Variants in SLC6A17 observed in about 807,000 individuals in gnomAD.
SLC6A17 encodes the protein sodium-dependent neutral amino acid transporter SLC6A17.
SLC6A17 carries 21 observed loss-of-function variants against 64.5 expected under a neutral mutation model. That is an observed-to-expected ratio of 0.33 (90% confidence interval 0.23 to 0.47). The LOEUF (loss-of-function observed/expected upper bound fraction) is 0.47. Among genes scored for constraint, SLC6A17 ranks in the 20% least tolerant of loss-of-function variants. SLC6A17 has a pLI of 1.00. For synonymous variants in SLC6A17, 372 were observed against 399.5 expected, an observed-to-expected ratio of 0.93 and a Z score of 0.82; for missense variants, 682 against 963.2, an observed-to-expected ratio of 0.71 and a Z score of 3.86.
chr1:110,152,569 A>T (rs1655637938), intron 1 of SLC6A17, among the ~76,000 whole-genome samples: 1 of 151,828 alleles, frequency 6.6e-6, no homozygotes, highest in African/African-American at 2.4e-5. Context: ...TGGAGCTCTG[A>T]CTCCTTGGGA....
chr1:110,168,303 C>T (rs1238706090), intron 2 of SLC6A17: 1 of 152,192 alleles, frequency 6.6e-6, no homozygotes, highest in Non-Finnish European at 1.5e-5. Flanking sequence ...GCCATGTAAC[C>T]TTTTCCAAAG....
rs147238157 is a variant in SLC6A17, at chr1:110,184,601, C to G, written c.865-7371C>G. Among the ~76,000 whole-genome samples the G allele has an allele frequency of 3.7e-3, 571 of 152,272 alleles. 5 individuals carry two copies. The highest frequency in any genetic ancestry group is 0.013 in the African/African-American group (539 of 41,556). ...TAGGGAGGAGGCTATGAGTGGGCAA[C>G]AGCAGAAGGGGCAGTGTGCCAGGAG... On this transcript the variant is annotated intron_variant, in intron 6 of 11. Coordinates refer to ENST00000331565, the MANE Select transcript of SLC6A17 (RefSeq NM_001010898.4).
At chr1:110,194,903 G>C (rs1656921434) in intron 9 of SLC6A17, 132 bp downstream of exon 9, 1 of 1,134,652 alleles carries the variant, frequency 8.8e-7, no homozygotes, top group Non-Finnish European at 1.3e-6. Context: ...GACACAGCTG[G>C]AGCCTGGCTG....
rs906735220 is a variant in SLC6A17, at chr1:110,197,995, G to A, written c.1816-81G>A. ...GAGGAGTGGAAGGCCATGGGTGAGGGCAGGAGAGCAGTCTTGGAGGGCCTG... is the reference window on the plus strand; with the variant it reads ...GAGGAGTGGAAGGCCATGGGTGAGGACAGGAGAGCAGTCTTGGAGGGCCTG... On this transcript the variant is annotated intron_variant, in intron 11 of 11. Coordinates refer to ENST00000331565, the MANE Select transcript of SLC6A17 (RefSeq NM_001010898.4). 7 of 1,532,706 alleles carry A rather than the reference G, an allele frequency of 4.6e-6. No individual in the cohort carries two copies. In the African/African-American group the frequency reaches 9.6e-5, roughly 21 times the overall value. The allele number at this position is 1,532,706 out of a possible 1,614,324, so 94.9% of individuals were successfully genotyped here.
intron 1 of SLC6A17, among the ~76,000 whole-genome samples, chr1:110,153,558 A>G (rs1347305755): frequency 1.6e-5 from 1 of 60,888 alleles, no homozygotes; most frequent in Non-Finnish European, 4.5e-5. Flanking sequence ...TGTGCATTGC[A>G]TTCACCATTC....
chr1:110,191,794 C>T (rs527393874), intron 6 of SLC6A17, among the ~76,000 whole-genome samples, 178 bp from the exon 7 acceptor site: 19 of 152,242 alleles, frequency 1.2e-4, no homozygotes, highest in South Asian at 6.2e-4. Flanking sequence ...TTGTGATCTG[C>T]GTATTGGGGA....
intron 2 of SLC6A17, among the ~76,000 whole-genome samples, 157 bp from the exon 3 acceptor site, chr1:110,171,903 C>T (rs945664835): frequency 2.6e-5 from 4 of 152,056 alleles, no homozygotes; most frequent in East Asian, 3.9e-4. Context: ...GTAGGCCACA[C>T]GTATGGCCAC....
At position 110,198,590 on chromosome 1, in the gene SLC6A17, C is replaced by T; in HGVS notation, c.*146C>T. On this transcript the variant is annotated 3_prime_UTR_variant, in exon 12 of 12. Transcript: ENST00000331565. ...GTCTGCCCTGCCTCACTCCCCTCTT[C>T]AGTCCCAGTAGACTCTGCTCCCTAG... The T allele has an allele frequency of 1.5e-6, 2 of 1,353,918 alleles. No individual in the cohort carries two copies. Among genetic ancestry groups the T allele is most frequent in the Non-Finnish European group, 2.0e-6 (2 of 1,006,860 alleles). 83.9% of individuals were successfully genotyped at this position (1,353,918 alleles called of 1,614,324 possible). A position where few individuals can be genotyped will look rare whatever the true frequency, so the allele number is the denominator to read the frequency against.
intron 2 of SLC6A17, among the ~76,000 whole-genome samples, chr1:110,171,811 G>T (rs1234576052): frequency 6.6e-6 from 1 of 152,110 alleles, no homozygotes; most frequent in Non-Finnish European, 1.5e-5. Context: ...CTTGTGAGTT[G>T]ACATACATAC....
At chr1:110,160,976 G>T (rs950154905) in intron 1 of SLC6A17, among the ~76,000 whole-genome samples, 13 of 152,150 alleles carry the variant, frequency 8.5e-5, no homozygotes, top group African/African-American at 3.1e-4. Context: ...AGAGGGGTGG[G>T]AAGAGGACAG....
chr1:110,168,483 T>G (rs934740025), intron 2 of SLC6A17, among the ~76,000 whole-genome samples: 7 of 152,232 alleles, frequency 4.6e-5, no homozygotes, highest in African/African-American at 1.7e-4. Flanking sequence ...CATAGCATGT[T>G]ATATTAGCTG....
intron 1 of SLC6A17, among the ~76,000 whole-genome samples, chr1:110,155,317 A>AATCC (rs1198394571): frequency 1.3e-5 from 2 of 152,164 alleles, no homozygotes; most frequent in African/African-American, 4.8e-5. Context: ...TTTATGGGCA[A>AATCC]ATCCAGTTTT....
intron 1 of SLC6A17, among the ~76,000 whole-genome samples, chr1:110,153,701 G>A (rs1168928037): frequency 2.0e-5 from 3 of 152,064 alleles, no homozygotes; most frequent in African/African-American, 7.2e-5. Context: ...CTCCTTTTCT[G>A]TCCAGGTTTG....
chr1:110,194,975 A>T (rs1656922687), intron 9 of SLC6A17: 1 of 673,590 alleles, frequency 1.5e-6, no homozygotes, highest in African/African-American at 1.8e-5. Flanking sequence ...ATCTGGAGCA[A>T]ACATGAGCCG....
rs2100947433 is a variant in SLC6A17 at position 110,191,846 on chromosome 1, C to T, written c.865-126C>T. On this transcript the variant is annotated intron_variant, in intron 6 of 11. Coordinates refer to ENST00000331565, the MANE Select transcript of SLC6A17 (RefSeq NM_001010898.4). ...AGTAGGGAAATTGCCCAAGTTCACA[C>T]AGCTTCTTACCACTATGGGCTGCTG... is the stretch of plus-strand genomic sequence containing the variant. The T allele has an allele frequency of 2.0e-6, 3 of 1,466,188 alleles. No homozygotes were observed. In the East Asian group the frequency reaches 6.9e-5, roughly 34 times the overall value. 90.8% of individuals were successfully genotyped at this position (1,466,188 alleles called of 1,614,324 possible).
chr1:110,196,288 C>T lies in SLC6A17; in HGVS notation c.1652+543C>T, dbSNP rs1221491727. ...CCTCATGTTAGGGCAAATACGTGTTCCCAGGAGTTCTAGAACTAGGTCTCT... is the reference window on the plus strand; with the variant it reads ...CCTCATGTTAGGGCAAATACGTGTTTCCAGGAGTTCTAGAACTAGGTCTCT... On this transcript the variant is annotated intron_variant, in intron 10 of 11. Coordinates refer to ENST00000331565, the MANE Select transcript of SLC6A17 (RefSeq NM_001010898.4). Among the ~76,000 whole-genome samples, 6 of 152,250 alleles carry T rather than the reference C, an allele frequency of 3.9e-5. No homozygotes were observed. The South Asian group carries it at 1.2e-3, about 32-fold the overall frequency.
Position 110,192,211 on chromosome 1 carries a change from C to T in SLC6A17, c.1104C>T (p.Val368=), listed in dbSNP as rs781358960. The change falls in exon 7 of 12, where the codon GTC becomes GTT. Residue 368 remains valine (V), a splice_region_variant and synonymous_variant. Transcript: ENST00000331565. This position sits in a 1 kb window ranked among gnomAD's most constrained non-coding sequence, Gnocchi z 4.3. ...ACATCATGAATGAGAAGTGTGTGGT[C>T]GAGTAGGTGGCATCTCTCCTCCTGT... is the stretch of plus-strand genomic sequence containing the variant. ...KANIMNEKCV[V]ENAEKILGYL... is the part of the protein sequence containing the mutation. The T allele has an allele frequency of 1.1e-5, 18 of 1,606,758 alleles. No individual in the cohort carries two copies. Among genetic ancestry groups the T allele is most frequent in the Non-Finnish European group, 1.5e-5 (18 of 1,174,556 alleles).
At chr1:110,164,500 AC>A (rs1655994733) in intron 1 of SLC6A17, among the ~76,000 whole-genome samples, 3 of 152,246 alleles carry the variant, frequency 2.0e-5, no homozygotes, top group Non-Finnish European at 2.9e-5. Context: ...TTCACTGGAC[AC>A]AGAGGGTTCC....
chr1:110,195,098 C>T (rs763952239), intron 9 of SLC6A17: 32 of 441,802 alleles, frequency 7.2e-5, no homozygotes, highest in Non-Finnish European at 1.3e-4. Flanking sequence ...CACTCACTGG[C>T]CTTGCGCCCT....
Sources: gnomAD v4.1 joint callset for allele counts (sites outside exome capture counted in the v4.1 genomes callset) on GRCh38, gnomAD v4.1.1 for gene constraint, Gnocchi (gnomAD v3.1) non-coding constraint, MANE v1.5 for transcripts, NCBI Gene and HGNC (gene_info 2026-07-23, HGNC 2026-07-21) for gene names.